Variants in RHOXF1 observed in about 807,000 individuals in gnomAD.
RHOXF1 encodes the protein Rhox homeobox family member 1, also known as PEPP subfamily gene 1.
Under a neutral mutation model 9.7 loss-of-function variants are expected in RHOXF1, and 1 was observed. The ratio of observed to expected loss-of-function variants is 0.10; its 90% CI spans 0.04 to 0.49. The LOEUF (loss-of-function observed/expected upper bound fraction) is 0.49, where lower values mean the gene tolerates loss of function less well. RHOXF1 is among the 20% of genes least tolerant of loss of function. RHOXF1 has a pLI of 0.95. For missense variants in RHOXF1, 179 were observed against 168.0 expected, an observed-to-expected ratio of 1.07 and a Z score of -0.36; for synonymous variants, 72 against 70.2, an observed-to-expected ratio of 1.03 and a Z score of -0.13.
At chrX:120,115,406 G>C (rs1556000366) in intron 1 of RHOXF1, 59 bp downstream of exon 1, 1 of 1,023,920 alleles carries the variant, frequency 9.8e-7, no homozygotes. Flanking sequence ...GCAAGGGAGA[G>C]AAAAAGATGC....
rs2057290733 is a variant in RHOXF1, at chrX:120,115,640, G to T, written c.223C>A (p.Gln75Lys). Residue 75 changes from glutamine (Q) to lysine (K), a missense_variant, in exon 1 of 3, where the codon CAG becomes AAG. Physicochemically the swap from Gln to Lys is moderately conservative, Grantham distance 53. Coordinates refer to ENST00000217999, the MANE Select transcript of RHOXF1 (RefSeq NM_139282.3). Reference sequence around the variant, plus strand: ...GGCTGCGGCTGCTGCCGAGGCTCCTGGTTTCCACCGCCGCCCTCGGGGATC... The same window carrying T: ...GGCTGCGGCTGCTGCCGAGGCTCCTTGTTTCCACCGCCGCCCTCGGGGATC... ...GMIPEGGGGN[Q>K]EPRQQPQPPP... 3 of 1,184,444 alleles carry T rather than the reference G, an allele frequency of 2.5e-6. No individual in the cohort carries two copies. The highest frequency in any genetic ancestry group is 3.4e-6 in the Non-Finnish European group (3 of 881,078).
chrX:120,109,460 A>G (rs1022178900), intron 2 of RHOXF1, among the ~76,000 whole-genome samples, 158 bp from the exon 3 acceptor site: 2 of 111,861 alleles, frequency 1.8e-5, no homozygotes, highest in African/African-American at 3.2e-5. Context: ...AGTTAACAAC[A>G]TAGCCCGTGG....
chrX:120,111,287 C>G (rs2057263847), intron 2 of RHOXF1, among the ~76,000 whole-genome samples: 1 of 111,462 alleles, frequency 9.0e-6, no homozygotes, highest in Non-Finnish European at 1.9e-5. Context: ...TTTTCAACTT[C>G]TCCAACCCGA....
At chrX:120,119,540 C>T (rs950400871), upstream of RHOXF1, 1 of 112,049 alleles carries the variant, frequency 8.9e-6, no homozygotes. Context: ...CAACACTCAC[C>T]TAAGATGCCT....
upstream of RHOXF1, chrX:120,117,809 C>T (rs1556000885): frequency 4.5e-5 from 5 of 112,269 alleles, no homozygotes; most frequent in Admixed American, 3.8e-4. Context: ...CAGGAAAGGA[C>T]TACCAGTAAT....
At chrX:120,115,040 T>G (rs893039090) in intron 1 of RHOXF1, among the ~76,000 whole-genome samples, 2 of 111,143 alleles carry the variant, frequency 1.8e-5, no homozygotes, top group Non-Finnish European at 1.9e-5. Flanking sequence ...CATAAAATAG[T>G]AGAATGGTGG....
upstream of RHOXF1, among the ~76,000 whole-genome samples, chrX:120,117,014 G>A (rs183064377): frequency 2.9e-4 from 32 of 111,590 alleles, no homozygotes; most frequent in Non-Finnish European, 5.8e-4. Context: ...GCAGCTTACT[G>A]GATGTGGGGC....
chrX:120,113,977 A>G (rs2057282367), intron 1 of RHOXF1, among the ~76,000 whole-genome samples: 1 of 109,604 alleles, frequency 9.1e-6, no homozygotes, highest in African/African-American at 3.3e-5. Flanking sequence ...CTGTGCCTGC[A>G]GTCCCAGCTA....
At chrX:120,109,750 C>G (rs149773486) in intron 2 of RHOXF1, among the ~76,000 whole-genome samples, 1,380 of 109,924 alleles carry the variant, frequency 0.013, 27 homozygotes, top group African/African-American at 0.042. Flanking sequence ...CTATGCCCAG[C>G]TGTTTTAATT....
chrX:120,109,213 A>C lies in RHOXF1; in HGVS notation c.534T>G (p.Cys178Trp). The C allele has an allele frequency of 8.4e-7, 1 of 1,188,372 alleles. No homozygotes were observed. Among genetic ancestry groups the C allele is most frequent in the Non-Finnish European group, 1.1e-6 (1 of 876,635 alleles). Residue 178 changes from cysteine (C) to tryptophan (W), a missense_variant, in exon 3 of 3, where the codon TGT (cysteine) becomes TGG (tryptophan). Cys to Trp is a radical substitution (Grantham distance 215). Coordinates refer to ENST00000217999, the MANE Select transcript of RHOXF1 (RefSeq NM_139282.3). ...ANELRADPDD[C>W]VYIVVD ...AGGGCTAGTCCACGACGATGTAGAC[A>C]CAGTCGTCTGGGTCAGCACGTAGTT...
rs782202572 is a variant in RHOXF1 at position 120,115,667 on chromosome X, T to C, written c.196A>G (p.Met66Val). 5 of 1,197,799 alleles carry C rather than the reference T, an allele frequency of 4.2e-6. No individual in the cohort carries two copies. In the South Asian group the frequency reaches 5.4e-5, roughly 13 times the overall value. ...HENGMNRDGG[M>V]IPEGGGGNQE... Reference sequence around the variant, plus strand: ...TTTCCACCGCCGCCCTCGGGGATCATGCCGCCATCGCGGTTCATGCCGTTC... The same window carrying C: ...TTTCCACCGCCGCCCTCGGGGATCACGCCGCCATCGCGGTTCATGCCGTTC... The change falls in exon 1 of 3, where the codon ATG becomes GTG. Residue 66 changes from methionine (M) to valine (V), a missense_variant. Transcript: ENST00000217999.
chrX:120,112,870 C>T lies in RHOXF1; in HGVS notation c.443G>A (p.Arg148Gln), dbSNP rs782781485. 14 of 1,195,667 alleles carry T rather than the reference C, an allele frequency of 1.2e-5. No homozygotes were observed. Among genetic ancestry groups the T allele is most frequent in the South Asian group, 1.8e-5 (1 of 55,737 alleles). ...ENLGVTEDKV[R>Q]VWFKNKRARC... ...AATTGCTTTTTCAAGTGTACTGACCCGCACTTTGTCTTCAGTCACACCTAA... is the reference window on the plus strand; with the variant it reads ...AATTGCTTTTTCAAGTGTACTGACCTGCACTTTGTCTTCAGTCACACCTAA... Residue 148 changes from arginine to glutamine, a missense_variant and splice_region_variant, in exon 2 of 3, where the codon CGG becomes CAG. Transcript: ENST00000217999.
In RHOXF1 at chrX:120,109,196, T is replaced by G; in HGVS notation, c.551A>C (p.Asp184Ala). The change falls in exon 3 of 3, where the codon GAC becomes GCC. Residue 184 changes from aspartate to alanine, a missense_variant. Coordinates refer to ENST00000217999, the MANE Select transcript of RHOXF1 (RefSeq NM_139282.3). ...AAGAAGGATGGCATTCTAGGGCTAGTCCACGACGATGTAGACACAGTCGTC... is the reference window on the plus strand; with the variant it reads ...AAGAAGGATGGCATTCTAGGGCTAGGCCACGACGATGTAGACACAGTCGTC... ...DPDDCVYIVV[D>A] 19 of 1,171,795 alleles carry G rather than the reference T, an allele frequency of 1.6e-5. No individual in the cohort carries two copies. Among genetic ancestry groups the G allele is most frequent in the Non-Finnish European group, 2.1e-5 (18 of 863,311 alleles).
At chrX:120,118,736 A>C (rs1395761240), upstream of RHOXF1, among the ~76,000 whole-genome samples, 1 of 111,714 alleles carries the variant, frequency 9.0e-6, no homozygotes, top group Non-Finnish European at 1.9e-5. Context: ...TTCTCCACCC[A>C]GCAGCCAGAG....
chrX:120,111,102 T>C (rs1315380764), intron 2 of RHOXF1, among the ~76,000 whole-genome samples: 2 of 112,343 alleles, frequency 1.8e-5, no homozygotes, highest in East Asian at 2.8e-4. Flanking sequence ...AGTTTGGAGA[T>C]ACATGAGAGC....
chrX:120,116,424 C>G (rs2057297215), upstream of RHOXF1: 1 of 109,648 alleles, frequency 9.1e-6, no homozygotes, highest in African/African-American at 3.3e-5. Context: ...CATGGGGCCC[C>G]AGCTTGCAGC....
intron 1 of RHOXF1, 102 bp from the exon 2 acceptor site, chrX:120,113,016 C>T: frequency 1.9e-6 from 1 of 538,888 alleles, no homozygotes; most frequent in Non-Finnish European, 3.1e-6. Flanking sequence ...AATTTATAAT[C>T]TCCCCTCACA....
chrX:120,115,511 G>A lies in RHOXF1; in HGVS notation c.352C>T (p.Leu118=). The part of the protein sequence containing the change: ...TKFTLLQVEE[L]ESVFRHTQYP... ...TGAGTGTGTCGGAAAACACTTTCCA[G>A]CTCCTCCACCTGCAACAGCGTGAAC... The change falls in exon 1 of 3, where the codon CTG becomes TTG. Residue 118 remains leucine, a synonymous_variant. Coordinates refer to ENST00000217999, the MANE Select transcript of RHOXF1 (RefSeq NM_139282.3). The A allele has an allele frequency of 8.8e-7, 1 of 1,133,624 alleles. No individual in the cohort carries two copies. Among genetic ancestry groups the A allele is most frequent in the Non-Finnish European group, 1.2e-6 (1 of 858,578 alleles). The allele number at this position is 1,133,624 out of a possible 1,213,427, so 93.4% of individuals were successfully genotyped here. A position where few individuals can be genotyped will look rare whatever the true frequency, so the allele number is the denominator to read the frequency against.
At chrX:120,112,434 TA>T (rs2057270017) in intron 2 of RHOXF1, among the ~76,000 whole-genome samples, 1 of 28,362 alleles carries the variant, frequency 3.5e-5, no homozygotes, top group Non-Finnish European at 1.2e-4. Context: ...ATAATACACA[TA>T]TATTATATAT....
Sources: gnomAD v4.1 joint callset for allele counts (sites outside exome capture counted in the v4.1 genomes callset) on GRCh38, gnomAD v4.1.1 for gene constraint, MANE v1.5 for transcripts, NCBI Gene and HGNC (gene_info 2026-07-23, HGNC 2026-07-21) for gene names.